Variants in CEP112 observed in about 807,000 individuals in gnomAD.
The protein encoded by CEP112 is centrosomal protein 112.
Under a neutral mutation model 153.0 loss-of-function variants are expected in CEP112, and 127 were observed. The observed-to-expected ratio is 0.83, with a 90% CI of 0.72 to 0.96. The LOEUF (loss-of-function observed/expected upper bound fraction) is 0.96, where lower values mean the gene tolerates loss of function less well. Ranked by LOEUF, CEP112 falls within the 40% of genes least tolerant of loss-of-function variation. CEP112 has a pLI of 0.00. For synonymous variants in CEP112, 358 were observed against 374.4 expected (o/e 0.96, Z 0.51); for missense variants, 1,089 against 1,101.2 (o/e 0.99, Z 0.16).
intron 20 of CEP112, among the ~76,000 whole-genome samples, chr17:65,871,066 T>C (rs544735085): frequency 6.6e-6 from 1 of 152,334 alleles, no homozygotes; most frequent in East Asian, 1.9e-4. Flanking sequence ...CAGAACACAC[T>C]AATTACTGTG....
chr17:66,183,231 A>G lies in CEP112; in HGVS notation c.69T>C (p.Asp23=), dbSNP rs768559600. The change falls in exon 2 of 27, where the codon GAT becomes GAC. Residue 23 remains aspartate, a synonymous_variant. Transcript: ENST00000535342. ...LDAEFDHFVV[D]MKPFVLKLPH... ...GTAATTTTAGAACAAAGGGCTTCATATCAACCACAAAGTGATCAAATTCTG... is the reference window on the plus strand; with the variant it reads ...GTAATTTTAGAACAAAGGGCTTCATGTCAACCACAAAGTGATCAAATTCTG... 6.2e-7 allele frequency: 1 copy of G among 1,611,388 alleles called. No individual in the cohort carries two copies. The highest frequency in any genetic ancestry group is 1.1e-5 in the South Asian group (1 of 90,426).
At chr17:66,018,661 A>G (rs1438464254) in intron 16 of CEP112, among the ~76,000 whole-genome samples, 1 of 152,254 alleles carries the variant, frequency 6.6e-6, no homozygotes, top group Non-Finnish European at 1.5e-5. Context: ...AATATGTTAA[A>G]TATACGGCTG....
At chr17:66,002,143 A>G (rs996759562) in intron 17 of CEP112, among the ~76,000 whole-genome samples, 9 of 152,218 alleles carry the variant, frequency 5.9e-5, no homozygotes, top group African/African-American at 2.2e-4. Context: ...TTAAATAATG[A>G]TAGGTTCTGA....
intron 17 of CEP112, among the ~76,000 whole-genome samples, chr17:65,993,012 G>A (rs1238906288): frequency 6.6e-6 from 1 of 152,162 alleles, no homozygotes; most frequent in Non-Finnish European, 1.5e-5. Flanking sequence ...GTGCCATGGT[G>A]ATTTGCTGCA....
chr17:66,057,378 G>C (rs146331627), intron 11 of CEP112, among the ~76,000 whole-genome samples: 2 of 152,296 alleles, frequency 1.3e-5, no homozygotes, highest in East Asian at 1.9e-4. Context: ...TACCCTACTG[G>C]GTAGGTATAT....
At chr17:65,664,098 G>A (rs989281632) in intron 24 of CEP112, among the ~76,000 whole-genome samples, 1 of 152,100 alleles carries the variant, frequency 6.6e-6, no homozygotes, top group Non-Finnish European at 1.5e-5. Flanking sequence ...CAGCTACAGG[G>A]AAACTCAGTA....
chr17:65,785,769 C>CT (rs528758546), intron 21 of CEP112, among the ~76,000 whole-genome samples: 249 of 152,110 alleles, frequency 1.6e-3, no homozygotes, highest in Non-Finnish European at 2.9e-3. Flanking sequence ...TCTGATATTG[C>CT]TTTTTTCTAA....
rs749117513 is a variant in CEP112, at chr17:65,826,223, T to A, written c.2394+25581A>T. ...CTCTGTCTTGGGGACATTACCATTC[T>A]CTTCTCTCATCTCTATCAGTCTCAG... On this transcript the variant is annotated intron_variant, in intron 21 of 26. Transcript: ENST00000535342. 18 of 1,614,052 alleles carry A rather than the reference T, an allele frequency of 1.1e-5. No homozygotes were observed. In the East Asian group the frequency reaches 3.3e-4, roughly 30 times the overall value.
chr17:66,185,149 T>C (rs1431512776), intron 1 of CEP112, among the ~76,000 whole-genome samples: 1 of 152,130 alleles, frequency 6.6e-6, no homozygotes, highest in African/African-American at 2.4e-5. Context: ...GTACACTATC[T>C]ATGTAGGAAG....
chr17:65,871,805 A>G (rs2058678922), intron 20 of CEP112, among the ~76,000 whole-genome samples: 1 of 152,194 alleles, frequency 6.6e-6, no homozygotes, highest in Non-Finnish European at 1.5e-5. Flanking sequence ...GGCCTCCCCA[A>G]GATATCTTCA....
At chr17:66,113,265 A>G (rs755518231) in intron 6 of CEP112, among the ~76,000 whole-genome samples, 1 of 152,142 alleles carries the variant, frequency 6.6e-6, no homozygotes, top group Non-Finnish European at 1.5e-5. Flanking sequence ...GTATATATAC[A>G]TATATTAGGT....
intron 24 of CEP112, among the ~76,000 whole-genome samples, chr17:65,642,194 GAATT>G (rs1470991980): frequency 3.3e-5 from 5 of 152,182 alleles, no homozygotes; most frequent in African/African-American, 1.2e-4. Flanking sequence ...AAATAGGATA[GAATT>G]AATTATTTTA....
In CEP112 at chr17:66,176,887, T is replaced by C. The variant is rs1317436928; in HGVS notation, c.240A>G (p.Glu80=). Residue 80 remains glutamate, a synonymous_variant, in exon 3 of 27, where the codon GAA becomes GAG. Transcript: ENST00000535342. ...GTTCAGGTCGGTGTGTAAAAGGGCC[T>C]TCAAGCGCACCTCGTTTAAGCATAT... ...LLHMLKRGAL[E]GPFTHRPEPG... 1.2e-6 allele frequency: 2 copies of C among 1,613,876 alleles called. No homozygotes were observed. Among genetic ancestry groups the C allele is most frequent in the Admixed American group, 3.3e-5 (2 of 59,984 alleles).
At chr17:65,942,386 A>T (rs535395229) in intron 18 of CEP112, among the ~76,000 whole-genome samples, 30 of 152,274 alleles carry the variant, frequency 2.0e-4, no homozygotes, top group Admixed American at 5.9e-4. Context: ...TGGTTTAAAT[A>T]GTATAGGTGC....
intron 21 of CEP112, among the ~76,000 whole-genome samples, chr17:65,790,153 G>A (rs2054510036): frequency 6.6e-6 from 1 of 152,230 alleles, no homozygotes; most frequent in African/African-American, 2.4e-5. Context: ...GGACTTGGAA[G>A]GCAGAGCTTC....
intron 12 of CEP112, among the ~76,000 whole-genome samples, chr17:66,052,884 A>T (rs1229408122): frequency 1.3e-5 from 2 of 152,182 alleles, no homozygotes; most frequent in East Asian, 1.9e-4. Flanking sequence ...ACGCGGGCAG[A>T]TCGCTTGAGT....
chr17:66,087,971 T>C (rs868579922), intron 8 of CEP112, among the ~76,000 whole-genome samples: 1 of 151,964 alleles, frequency 6.6e-6, no homozygotes, highest in African/African-American at 2.4e-5. Flanking sequence ...AAATCCACCC[T>C]GGTACAAGGA....
chr17:65,899,189 T>A (rs774972295), intron 20 of CEP112, among the ~76,000 whole-genome samples: 4 of 152,168 alleles, frequency 2.6e-5, no homozygotes, highest in Non-Finnish European at 4.4e-5. Context: ...ATGAGAAATA[T>A]TCGACAATGA....
At chr17:65,862,383 T>C (rs2058338334) in intron 20 of CEP112, among the ~76,000 whole-genome samples, 1 of 152,080 alleles carries the variant, frequency 6.6e-6, no homozygotes, top group Non-Finnish European at 1.5e-5. Flanking sequence ...GGTCAGGAGA[T>C]CAAGACCATC....
Sources: gnomAD v4.1 joint callset for allele counts (sites outside exome capture counted in the v4.1 genomes callset) on GRCh38, gnomAD v4.1.1 for gene constraint, MANE v1.5 for transcripts, NCBI Gene and HGNC (gene_info 2026-07-23, HGNC 2026-07-21) for gene names.